The following AGO4 variants were observed in gnomAD, a reference collection of about 807,000 sequenced individuals.
AGO4 encodes argonaute RISC component 4.
In AGO4, 33 loss-of-function variants were observed where a neutral mutation model predicts 104.7. The ratio of observed to expected loss-of-function variants is 0.32; its 90% CI spans 0.24 to 0.42. The LOEUF (loss-of-function observed/expected upper bound fraction) is 0.42, where lower values mean the gene tolerates loss of function less well. Among genes scored for constraint, AGO4 ranks in the 10% least tolerant of loss-of-function variants. AGO4 has a pLI of 1.00. For synonymous variants in AGO4, 331 were observed against 364.7 expected (o/e 0.91, Z 1.05); for missense variants, 711 against 1,083.4 (o/e 0.66, Z 4.83).
At chr1:35,813,189 C>G (rs1328669419) in intron 1 of AGO4, among the ~76,000 whole-genome samples, 3 of 148,404 alleles carry the variant, frequency 2.0e-5, no homozygotes, top group African/African-American at 7.4e-5. Context: ...GCAGGCAGAT[C>G]ACAAGGTCAG....
intron 2 of AGO4, 89 bp downstream of exon 2, chr1:35,817,136 T>A: frequency 7.7e-7 from 1 of 1,305,158 alleles, no homozygotes; most frequent in Non-Finnish European, 1.0e-6. Context: ...ATCCAACATG[T>A]AGGCTTTGTT....
At chr1:35,830,130 C>T (rs1046538712) in intron 7 of AGO4, among the ~76,000 whole-genome samples, 9 of 102,692 alleles carry the variant, frequency 8.8e-5, no homozygotes, top group South Asian at 7.5e-4. Flanking sequence ...GGTGACAGAA[C>T]GAGACTCTGT....
intron 6 of AGO4, among the ~76,000 whole-genome samples, chr1:35,826,423 G>T (rs1211998098): frequency 6.6e-6 from 1 of 152,016 alleles, no homozygotes; most frequent in Non-Finnish European, 1.5e-5. Flanking sequence ...TTTTCTTCTT[G>T]TTATTAGTTA....
rs1233137697 is a variant in AGO4 at position 35,808,381 on chromosome 1, G to T, written c.-36G>T. On this transcript the variant is annotated 5_prime_UTR_variant, in exon 1 of 18. Transcript: ENST00000373210. The surrounding 1 kb of genome is among the most constrained non-coding windows in gnomAD (Gnocchi z 5.2). Reference sequence around the variant, plus strand: ...GGCGGCGGGGCCCGGAGCGGGAGGCGCCGGGGACCGGGGCGAGGCGGCCCC... The same window carrying T: ...GGCGGCGGGGCCCGGAGCGGGAGGCTCCGGGGACCGGGGCGAGGCGGCCCC... 7 of 1,067,198 alleles carry T rather than the reference G, an allele frequency of 6.6e-6. No individual in the cohort carries two copies. The highest frequency in any genetic ancestry group is 7.9e-6 in the Non-Finnish European group (7 of 885,016). 66.1% of individuals were successfully genotyped at this position (1,067,198 alleles called of 1,614,324 possible). A position where few individuals can be genotyped will look rare whatever the true frequency, so the allele number is the denominator to read the frequency against.
intron 15 of AGO4, among the ~76,000 whole-genome samples, chr1:35,846,394 G>A (rs1006637449): frequency 2.6e-5 from 4 of 151,774 alleles, no homozygotes; most frequent in South Asian, 2.1e-4. Context: ...TCAGGAGATC[G>A]AGACCATCCT....
Position 35,841,722 on chromosome 1 carries a change from G to A in AGO4, c.2147G>A (p.Arg716Gln). 1 of 1,613,564 alleles carries A rather than the reference G, an allele frequency of 6.2e-7. No homozygotes were observed. ...YIVVQKRHHT[R>Q]LFCADKTERV... is the part of the protein sequence containing the mutation. The stretch of plus-strand genomic sequence containing the variant: ...GTGGTGCAAAAAAGACATCACACAC[G>A]ACTCTTCTGTGCAGATAAAACAGAA... The change falls in exon 15 of 18, where the codon CGA becomes CAA. Residue 716 changes from arginine (R) to glutamine (Q), a missense_variant. By Grantham distance (43) the Arg-to-Gln change is conservative. This residue lies in a region of AGO4 where 401 missense variants were observed against 665.5 expected (regional missense o/e 0.60). Transcript: ENST00000373210. This position sits in a 1 kb window ranked among gnomAD's most constrained non-coding sequence, Gnocchi z 4.7.
chr1:35,824,645 T>A (rs1055675458), intron 3 of AGO4, among the ~76,000 whole-genome samples: 2 of 151,582 alleles, frequency 1.3e-5, no homozygotes, highest in African/African-American at 2.4e-5. Flanking sequence ...AAAAAAAAAA[T>A]TTCTAATTAG....
At chr1:35,851,326 A>G in intron 17 of AGO4, 1 of 455,702 alleles carries the variant, frequency 2.2e-6, no homozygotes. Context: ...AGTTCTGCTC[A>G]GGTCCTAAGT....
intron 2 of AGO4, among the ~76,000 whole-genome samples, chr1:35,822,484 C>T (rs573129668): frequency 2.0e-5 from 3 of 151,986 alleles, no homozygotes; most frequent in South Asian, 2.1e-4. Context: ...GAACTCCTGA[C>T]CTCAAGTGAT....
chr1:35,808,380 C>T lies in AGO4; in HGVS notation c.-37C>T, dbSNP rs1214265522. On this transcript the variant is annotated 5_prime_UTR_variant, in exon 1 of 18. Transcript: ENST00000373210. The surrounding 1 kb of genome is among the most constrained non-coding windows in gnomAD (Gnocchi z 5.2). ...CGGCGGCGGGGCCCGGAGCGGGAGG[C>T]GCCGGGGACCGGGGCGAGGCGGCCC... 2.8e-6 allele frequency: 3 copies of T among 1,065,006 alleles called. No individual in the cohort carries two copies. The highest frequency in any genetic ancestry group is 1.7e-5 in the African/African-American group (1 of 58,570). 66.0% of individuals were successfully genotyped at this position (1,065,006 alleles called of 1,614,324 possible). A position where few individuals can be genotyped will look rare whatever the true frequency, so the allele number is the denominator to read the frequency against.
rs892820965 is a variant in AGO4 at position 35,855,982 on chromosome 1, A to G, written c.*2377A>G. Reference sequence around the variant, plus strand: ...CACTTCTCACCATCTCCTGGCATGTATGGAGCAGGGAGCAAGGCTATGTTC... The same window carrying G: ...CACTTCTCACCATCTCCTGGCATGTGTGGAGCAGGGAGCAAGGCTATGTTC... On this transcript the variant is annotated 3_prime_UTR_variant, in exon 18 of 18. Transcript: ENST00000373210. 13 of 152,252 alleles carry G rather than the reference A, an allele frequency of 8.5e-5. No homozygotes were observed. Among genetic ancestry groups the G allele is most frequent in the Admixed American group, 2.6e-4 (4 of 15,286 alleles). 9.4% of individuals were successfully genotyped at this position (152,252 alleles called of 1,614,324 possible).
intron 7 of AGO4, among the ~76,000 whole-genome samples, chr1:35,830,019 C>T (rs1176141368): frequency 6.6e-6 from 1 of 151,212 alleles, no homozygotes; most frequent in Non-Finnish European, 1.5e-5. Context: ...ATTAGCCAGG[C>T]ATTTGTCCCA....
At chr1:35,824,632 T>C (rs1643967357) in intron 3 of AGO4, among the ~76,000 whole-genome samples, 1 of 151,708 alleles carries the variant, frequency 6.6e-6, no homozygotes, top group African/African-American at 2.4e-5. Context: ...GACCCATCTC[T>C]ACAAAAAAAA....
In AGO4 at chr1:35,856,658, C is replaced by G. The variant is rs886149503; in HGVS notation, c.*3053C>G. On this transcript the variant is annotated 3_prime_UTR_variant, in exon 18 of 18. Transcript: ENST00000373210. ...CCAGTCTGACCAACATGGTGAAACC[C>G]CATCTCTACTAAAAATACAGAAAAT... The G allele has an allele frequency of 6.6e-6, 1 of 152,148 alleles. No individual in the cohort carries two copies. The highest frequency in any genetic ancestry group is 2.4e-5 in the African/African-American group (1 of 41,420). The allele number at this position is 152,148 out of a possible 1,614,324, so 9.4% of individuals were successfully genotyped here.
chr1:35,822,921 C>T lies in AGO4; in HGVS notation c.245C>T (p.Pro82Leu). Residue 82 changes from proline (P) to leucine (L), a missense_variant, in exon 3 of 18, where the codon CCT becomes CTT. Coordinates refer to ENST00000373210, the MANE Select transcript of AGO4 (RefSeq NM_017629.4). Reference protein sequence around the residue: ...FKMQIFGDRQPGYDGKRNMYT... With the variant: ...FKMQIFGDRQLGYDGKRNMYT... ...ATGCAAATATTTGGTGATCGGCAGCCTGGGTATGATGGCAAAAGAAACATG... is the reference window on the plus strand; with the variant it reads ...ATGCAAATATTTGGTGATCGGCAGCTTGGGTATGATGGCAAAAGAAACATG... 6.2e-7 allele frequency: 1 copy of T among 1,614,064 alleles called. No homozygotes were observed. The highest frequency in any genetic ancestry group is 8.5e-7 in the Non-Finnish European group (1 of 1,180,002).
At chr1:35,826,643 T>G in intron 6 of AGO4, 105 bp from the exon 7 acceptor site, 1 of 1,051,476 alleles carries the variant, frequency 9.5e-7, no homozygotes, top group Non-Finnish European at 1.4e-6. Context: ...TTCTTGCAAT[T>G]TTTATCCTGT....
intron 7 of AGO4, among the ~76,000 whole-genome samples, chr1:35,830,143 C>CA (rs68143333): frequency 3.2e-4 from 32 of 100,244 alleles, no homozygotes; most frequent in African/African-American, 1.1e-3. Context: ...GACTCTGTCT[C>CA]AAAAAAAAAA....
At chr1:35,846,624 TATA>T (rs1423383418) in intron 15 of AGO4, among the ~76,000 whole-genome samples, 1 of 150,474 alleles carries the variant, frequency 6.6e-6, no homozygotes, top group Non-Finnish European at 1.5e-5. Flanking sequence ...TATATATATA[TATA>T]TATTTAGGGA....
intron 7 of AGO4, among the ~76,000 whole-genome samples, chr1:35,830,043 C>T (rs1410411417): frequency 6.7e-6 from 1 of 148,296 alleles, no homozygotes; most frequent in African/African-American, 2.5e-5. Flanking sequence ...AGTTGGGAGG[C>T]TGAGGTGGGA....
Sources: allele counts gnomAD v4.1 joint callset (sites outside exome capture counted in the v4.1 genomes callset), GRCh38; gene constraint gnomAD v4.1.1; regional missense constraint gnomAD v4.1.1; non-coding constraint Gnocchi (gnomAD v3.1); transcripts MANE v1.5; gene names NCBI Gene and HGNC (gene_info 2026-07-23, HGNC 2026-07-21).